Variants in NRXN3 observed in about 807,000 individuals in gnomAD.
NRXN3 encodes the protein neurexin III.
Under a neutral mutation model 137.6 loss-of-function variants are expected in NRXN3, and 32 were observed. The observed-to-expected ratio is 0.23, with a 90% CI of 0.18 to 0.31. The LOEUF is 0.31. Among genes scored for constraint, NRXN3 ranks in the 10% least tolerant of loss-of-function variants. NRXN3 has a pLI of 1.00. For synonymous variants in NRXN3, 798 were observed against 784.5 expected (o/e 1.02, Z -0.29); for missense variants, 1,574 against 2,062.5 (o/e 0.76, Z 4.59).
intron 15 of NRXN3, among the ~76,000 whole-genome samples, chr14:79,152,527 G>A (rs1373466002): frequency 6.6e-6 from 1 of 151,948 alleles, no homozygotes; most frequent in Non-Finnish European, 1.5e-5. Context: ...AAAGGAAAGA[G>A]GTTTAATTAA....
chr14:79,106,747 T>C (rs1207899557), intron 15 of NRXN3, among the ~76,000 whole-genome samples: 1 of 152,138 alleles, frequency 6.6e-6, no homozygotes, highest in East Asian at 1.9e-4. Context: ...TACAGAACAT[T>C]CTTTTAATAA....
At chr14:79,725,481 T>C (rs113321850) in intron 19 of NRXN3, among the ~76,000 whole-genome samples, 1 of 152,142 alleles carries the variant, frequency 6.6e-6, no homozygotes, top group Non-Finnish European at 1.5e-5. Context: ...GGATTGGAAG[T>C]GGACACGTGA....
At chr14:79,547,202 T>A (rs903180952) in intron 16 of NRXN3, among the ~76,000 whole-genome samples, 2 of 152,188 alleles carry the variant, frequency 1.3e-5, no homozygotes, top group African/African-American at 4.8e-5. Context: ...GATCGGGTGC[T>A]CTTATAAAAC....
intron 16 of NRXN3, among the ~76,000 whole-genome samples, chr14:79,566,542 A>G (rs1007055697): frequency 5.3e-5 from 8 of 152,044 alleles, no homozygotes; most frequent in African/African-American, 1.2e-4. Context: ...CTAACCCTTT[A>G]TAACTTAGGA....
At chr14:79,014,874 A>G (rs2099576727) in intron 15 of NRXN3, among the ~76,000 whole-genome samples, 1 of 152,002 alleles carries the variant, frequency 6.6e-6, no homozygotes, top group Admixed American at 6.6e-5. Flanking sequence ...TGATTGTGGT[A>G]TAAGGTAGGT....
intron 6 of NRXN3, among the ~76,000 whole-genome samples, chr14:78,666,203 A>G (rs973970723): frequency 6.6e-6 from 1 of 152,216 alleles, no homozygotes; most frequent in African/African-American, 2.4e-5. Context: ...TTGTACACAG[A>G]TCTCTAGAAC....
intron 11 of NRXN3, among the ~76,000 whole-genome samples, chr14:78,962,601 A>G (rs1051322440): frequency 1.3e-5 from 2 of 152,238 alleles, no homozygotes; most frequent in Admixed American, 6.5e-5. Flanking sequence ...AACTTTCAGC[A>G]TCTCTCATGC....
At chr14:78,639,240 C>T (rs1303364764) in intron 4 of NRXN3, among the ~76,000 whole-genome samples, 1 of 152,202 alleles carries the variant, frequency 6.6e-6, no homozygotes, top group East Asian at 1.9e-4. Context: ...GTTATCTTTG[C>T]ATGAATACAG....
chr14:78,622,180 A>C (rs989485349), intron 4 of NRXN3, among the ~76,000 whole-genome samples: 31 of 152,116 alleles, frequency 2.0e-4, no homozygotes, highest in African/African-American at 7.5e-4. Context: ...CCTGCTCCCC[A>C]CCCAGCTGCC....
chr14:78,851,080 T>C (rs2099041242), intron 10 of NRXN3, among the ~76,000 whole-genome samples: 1 of 152,156 alleles, frequency 6.6e-6, no homozygotes, highest in Admixed American at 6.6e-5. Flanking sequence ...TTAGGAGAAA[T>C]ATGAAGTAGG....
At chr14:78,184,458 G>A (rs1212883348) in intron 1 of NRXN3, among the ~76,000 whole-genome samples, 3 of 152,198 alleles carry the variant, frequency 2.0e-5, no homozygotes, top group Non-Finnish European at 4.4e-5. Context: ...AAACACTGCA[G>A]GGCTTCTCTC....
At chr14:78,950,162 A>G (rs566947308) in intron 10 of NRXN3, among the ~76,000 whole-genome samples, 121 of 152,336 alleles carry the variant, frequency 7.9e-4, no homozygotes, top group African/African-American at 2.9e-3. Context: ...CAAGAGTAGA[A>G]TCAATATCCA....
chr14:79,280,663 T>A, intron 15 of NRXN3: 1 of 1,020,140 alleles, frequency 9.8e-7, no homozygotes, highest in Non-Finnish European at 1.4e-6. Context: ...ATGAAAAGCA[T>A]CGTATGTCCA....
In NRXN3 at chr14:78,624,829, G is replaced by T. The variant is rs11159374; in HGVS notation, c.758-20291G>T. Among the ~76,000 whole-genome samples, 199 of 147,084 alleles carry T rather than the reference G, an allele frequency of 1.4e-3. 1 individual carries two copies. The highest frequency in any genetic ancestry group is 0.01 in the East Asian group (53 of 5,054). ...TTCCTTTGTGTGTGTGTGTGTGTGTGTGTTTGTTTGTTTGTTTGTTTGTTT... is the reference window on the plus strand; with the variant it reads ...TTCCTTTGTGTGTGTGTGTGTGTGTTTGTTTGTTTGTTTGTTTGTTTGTTT... On this transcript the variant is annotated intron_variant, in intron 4 of 20. Coordinates refer to ENST00000335750, the MANE Select transcript of NRXN3 (RefSeq NM_001330195.2).
At chr14:78,411,732 C>T (rs2092840305) in intron 4 of NRXN3, among the ~76,000 whole-genome samples, 1 of 152,182 alleles carries the variant, frequency 6.6e-6, no homozygotes. Flanking sequence ...TCCACCAGTG[C>T]AGTTCTCCCT....
chr14:78,963,391 C>T (rs1205669529), intron 11 of NRXN3, among the ~76,000 whole-genome samples: 1 of 152,118 alleles, frequency 6.6e-6, no homozygotes, highest in African/African-American at 2.4e-5. Flanking sequence ...ATTAGCATGA[C>T]TAGCAGCATC....
chr14:78,209,103 T>C lies in NRXN3; in HGVS notation c.-703-33288T>C, dbSNP rs74661648. ...TTTCTTGAAGCTTGTCTGAAGGAGA[T>C]AAGTCTGCACCTGGGAGGTGACAAG... On this transcript the variant is annotated intron_variant, in intron 1 of 20. Coordinates refer to ENST00000335750, the MANE Select transcript of NRXN3 (RefSeq NM_001330195.2). 3.9e-3 allele frequency among the ~76,000 whole-genome samples: 594 copies of C among 152,290 alleles called. 32 individuals carry two copies. In the East Asian group the frequency reaches 0.1, roughly 26 times the overall value.
intron 4 of NRXN3, among the ~76,000 whole-genome samples, chr14:78,314,849 T>G (rs2078373236): frequency 6.6e-6 from 1 of 151,658 alleles, no homozygotes; most frequent in Non-Finnish European, 1.5e-5. Flanking sequence ...TACACACATG[T>G]ATGTGTATTT....
At chr14:78,680,364 C>T (rs2098061697) in intron 6 of NRXN3, among the ~76,000 whole-genome samples, 1 of 152,098 alleles carries the variant, frequency 6.6e-6, no homozygotes, top group African/African-American at 2.4e-5. Context: ...GCACTTGTAC[C>T]CCTGAAGTTA....
Sources: allele counts gnomAD v4.1 joint callset (sites outside exome capture counted in the v4.1 genomes callset), GRCh38; gene constraint gnomAD v4.1.1; transcripts MANE v1.5; gene names NCBI Gene and HGNC (gene_info 2026-07-23, HGNC 2026-07-21).